Variants in ATP10B observed in about 807,000 individuals in gnomAD.
ATP10B encodes ATPase phospholipid transporting 10B (putative).
A neutral mutation model predicts 141.2 loss-of-function variants in ATP10B; 122 were observed. The ratio of observed to expected loss-of-function variants is 0.86; its 90% confidence interval spans 0.75 to 1.00. The LOEUF is 1.00. ATP10B is among the 50% of genes least tolerant of loss of function. The pLI is 0.00. For synonymous variants in ATP10B, 685 were observed against 692.0 expected, an observed-to-expected ratio of 0.99 and a Z score of 0.16; for missense variants, 1,876 against 1,825.3, an observed-to-expected ratio of 1.03 and a Z score of -0.51.
At chr5:160,703,046 A>T (rs1019115859) in intron 3 of ATP10B, among the ~76,000 whole-genome samples, 1 of 152,198 alleles carries the variant, frequency 6.6e-6, no homozygotes, top group African/African-American at 2.4e-5. Context: ...AGATCTGCAG[A>T]AGCAAATTTG....
At chr5:160,626,638 T>C (rs992300693) in intron 13 of ATP10B, among the ~76,000 whole-genome samples, 4 of 152,210 alleles carry the variant, frequency 2.6e-5, no homozygotes, top group Non-Finnish European at 5.9e-5. Flanking sequence ...ACTGGGGATC[T>C]CATTAAAATG....
chr5:160,746,870 C>T (rs1726793795), intron 2 of ATP10B, among the ~76,000 whole-genome samples: 1 of 152,102 alleles, frequency 6.6e-6, no homozygotes, highest in African/African-American at 2.4e-5. Flanking sequence ...AGGTAAATTG[C>T]CCGAGGTCAC....
At chr5:160,846,893 G>A (rs868275625) in intron 1 of ATP10B, among the ~76,000 whole-genome samples, 281 of 152,268 alleles carry the variant, frequency 1.8e-3, no homozygotes, top group African/African-American at 6.6e-3. Context: ...ACAACATGGA[G>A]CTAATAATAG....
chr5:160,568,040 G>T (rs1754651581), intron 25 of ATP10B, among the ~76,000 whole-genome samples: 1 of 152,132 alleles, frequency 6.6e-6, no homozygotes, highest in Non-Finnish European at 1.5e-5. Flanking sequence ...ATTCCCTGGG[G>T]CCTGCCTTTG....
At chr5:160,622,678 T>C in intron 13 of ATP10B, 93 bp from the exon 14 acceptor site, 2 of 1,176,210 alleles carry the variant, frequency 1.7e-6, no homozygotes, top group South Asian at 2.9e-5. Context: ...TGATGCAGCT[T>C]CATTGCAGTC....
chr5:160,776,142 A>G (rs995740094), intron 2 of ATP10B, among the ~76,000 whole-genome samples: 1 of 152,094 alleles, frequency 6.6e-6, no homozygotes, highest in Non-Finnish European at 1.5e-5. Context: ...AAGGGATTTG[A>G]TGGTATCATA....
At chr5:160,897,501 C>T in the ATP10B span, among the ~76,000 whole-genome samples, 3 of 152,104 alleles carry the variant, frequency 2.0e-5, no homozygotes, top group African/African-American at 7.2e-5. Flanking sequence ...AGGACATCTT[C>T]AAGGAGAACT....
intron 2 of ATP10B, among the ~76,000 whole-genome samples, chr5:160,771,530 T>C (rs1385339003): frequency 6.6e-6 from 1 of 152,202 alleles, no homozygotes; most frequent in Non-Finnish European, 1.5e-5. Flanking sequence ...TTAAAAAATT[T>C]GATTGTGTGT....
chr5:160,859,602 G>A, the ATP10B span, among the ~76,000 whole-genome samples: 1 of 151,022 alleles, frequency 6.6e-6, no homozygotes, highest in East Asian at 1.9e-4. Context: ...TTGCTCTTTG[G>A]CACTCTACTA....
chr5:160,846,339 A>G (rs1014619435), intron 1 of ATP10B, among the ~76,000 whole-genome samples: 1 of 152,190 alleles, frequency 6.6e-6, no homozygotes, highest in Non-Finnish European at 1.5e-5. Context: ...ACTATATACT[A>G]GTCATTCATA....
chr5:160,782,612 A>G (rs1303782666), intron 2 of ATP10B, among the ~76,000 whole-genome samples: 1 of 152,162 alleles, frequency 6.6e-6, no homozygotes, highest in Non-Finnish European at 1.5e-5. Flanking sequence ...CAAGGAGCTT[A>G]CTAAAGAGAC....
chr5:160,662,878 A>C, intron 7 of ATP10B, among the ~76,000 whole-genome samples: 1 of 152,194 alleles, frequency 6.6e-6, no homozygotes. Flanking sequence ...AATGGGAGAA[A>C]ATTTTTGCAA....
the ATP10B span, among the ~76,000 whole-genome samples, chr5:160,863,505 AGT>A: frequency 1.3e-5 from 2 of 152,022 alleles, no homozygotes; most frequent in African/African-American, 4.8e-5. Flanking sequence ...CACACCAAAA[AGT>A]GTGAAAAAGC....
At chr5:160,844,179 A>G (rs62392631) in intron 1 of ATP10B, among the ~76,000 whole-genome samples, 66,080 of 151,914 alleles carry the variant, frequency 0.43, 16,178 homozygotes, top group Non-Finnish European at 0.54. Flanking sequence ...CTTCACTCCT[A>G]AATACATACC....
chr5:160,717,180 A>T, intron 2 of ATP10B, 146 bp from the exon 3 acceptor site: 1 of 513,426 alleles, frequency 1.9e-6, no homozygotes, highest in Non-Finnish European at 2.5e-6. Context: ...TAGTAGAAAA[A>T]CATGTGTGGA....
In ATP10B at chr5:160,798,129, G is replaced by A. The variant is rs542327059; in HGVS notation, c.-575-12326C>T. On this transcript the variant is annotated intron_variant, in intron 1 of 25. Transcript: ENST00000327245. ...GCTGAGGAGGTTGGGGAGGGTGAGGGTGCATTTCTAGACAGAGAGGACTTG... is the reference window on the plus strand; with the variant it reads ...GCTGAGGAGGTTGGGGAGGGTGAGGATGCATTTCTAGACAGAGAGGACTTG... Among the ~76,000 whole-genome samples, 33 of 152,086 alleles carry A rather than the reference G, an allele frequency of 2.2e-4. No individual in the cohort carries two copies. In the South Asian group the frequency reaches 4.8e-3, roughly 22 times the overall value.
chr5:160,708,688 T>C (rs1373324108), intron 3 of ATP10B, among the ~76,000 whole-genome samples: 2 of 152,260 alleles, frequency 1.3e-5, no homozygotes, highest in South Asian at 2.1e-4. Flanking sequence ...AGGGTATAAA[T>C]TGAGAAGAGA....
intron 1 of ATP10B, among the ~76,000 whole-genome samples, chr5:160,817,338 G>A (rs968701848): frequency 1.3e-5 from 2 of 152,100 alleles, no homozygotes; most frequent in Non-Finnish European, 2.9e-5. Context: ...AAAATCACAA[G>A]CATTCTTATA....
intron 1 of ATP10B, among the ~76,000 whole-genome samples, chr5:160,849,508 AAAC>A (rs1318787672): frequency 1.3e-5 from 2 of 152,108 alleles, no homozygotes; most frequent in Admixed American, 6.6e-5. Context: ...AGTACTTAAT[AAAC>A]AAAAAATGCC....
Sources: allele counts gnomAD v4.1 joint callset (sites outside exome capture counted in the v4.1 genomes callset), GRCh38; gene constraint gnomAD v4.1.1; transcripts MANE v1.5; gene names NCBI Gene and HGNC (gene_info 2026-07-23, HGNC 2026-07-21).